IL1R1: variants seen among roughly 807,000 people sequenced by gnomAD.
IL1R1 encodes the protein interleukin-1 receptor type 1.
In IL1R1, 22 loss-of-function variants were observed where a neutral mutation model predicts 50.2. The observed-to-expected ratio is 0.44, with a 90% CI of 0.31 to 0.63. The LOEUF is 0.63. Ranked by LOEUF, IL1R1 falls within the 20% of genes least tolerant of loss-of-function variation. The pLI is 0.07. For synonymous variants in IL1R1, 251 were observed against 236.7 expected, an observed-to-expected ratio of 1.06 and a Z score of -0.55; for missense variants, 509 against 676.2, an observed-to-expected ratio of 0.75 and a Z score of 2.74.
In IL1R1 at chr2:102,089,481, T is replaced by C. The variant is rs1325940218; in HGVS notation, c.-84+18948T>C. On this transcript the variant is annotated intron_variant, in intron 1 of 11. Transcript: ENST00000409929. ...CCATAACATATAATAATAATAAAGT[T>C]TGAAATAGTGTGGGAATTACCAAAA... is the stretch of plus-strand genomic sequence containing the variant. Among the ~76,000 whole-genome samples, 3 of 152,142 alleles carry C rather than the reference T, an allele frequency of 2.0e-5. No individual in the cohort carries two copies. In the East Asian group the frequency reaches 5.8e-4, roughly 29 times the overall value.
chr2:102,170,495 G>T (rs995938706), intron 7 of IL1R1, among the ~76,000 whole-genome samples: 5 of 152,006 alleles, frequency 3.3e-5, no homozygotes, highest in African/African-American at 1.2e-4. Context: ...CCAATCCCAA[G>T]AAAATTCCCG....
chr2:102,172,373 G>A (rs950297221), intron 8 of IL1R1: 1 of 985,180 alleles, frequency 1.0e-6, no homozygotes, highest in African/African-American at 1.7e-5. Flanking sequence ...TTTGTCATCT[G>A]CCCCAATCTC....
At chr2:102,132,711 G>A (rs1682105451) in intron 1 of IL1R1, among the ~76,000 whole-genome samples, 1 of 152,118 alleles carries the variant, frequency 6.6e-6, no homozygotes, top group African/African-American at 2.4e-5. Context: ...TAGCTGGATT[G>A]ACTGTGGATT....
In IL1R1 at chr2:102,164,891, A is replaced by T; in HGVS notation, c.179A>T (p.Asp60Val). Residue 60 changes from aspartate (D) to valine (V), a missense_variant, in exon 4 of 12, where the codon GAT becomes GTT. By Grantham distance (152) the Asp-to-Val change is radical (BLOSUM62 -3). Transcript: ENST00000410023. ...EHKGTITWYKDDSKTPVSTEQ... is the reference protein window; with the variant it reads ...EHKGTITWYKVDSKTPVSTEQ... ...AAAGGCACTATAACTTGGTATAAAG[A>T]TGACAGCAAGACACCTGTATCTACA... 3 of 1,614,130 alleles carry T rather than the reference A, an allele frequency of 1.9e-6. No individual in the cohort carries two copies. Among genetic ancestry groups the T allele is most frequent in the Non-Finnish European group, 2.5e-6 (3 of 1,179,976 alleles).
At chr2:102,104,343 G>A (rs1217318545), upstream of IL1R1, among the ~76,000 whole-genome samples, 2 of 152,218 alleles carry the variant, frequency 1.3e-5, no homozygotes, top group African/African-American at 2.4e-5. Context: ...GACCAGTCAA[G>A]ACTCTGATGA....
chr2:102,148,945 AAAAC>A (rs35503646), intron 1 of IL1R1, among the ~76,000 whole-genome samples: 13,198 of 150,618 alleles, frequency 0.088, 608 homozygotes, highest in African/African-American at 0.13. Flanking sequence ...ACTCTGTCTC[AAAAC>A]AAACAAACAA....
intron 8 of IL1R1, chr2:102,172,331 A>G: frequency 1.0e-6 from 1 of 985,262 alleles, no homozygotes; most frequent in South Asian, 4.7e-5. Flanking sequence ...CTGGCTTCCC[A>G]TGACCTCTCC....
At chr2:102,102,401 A>T (rs1680180715), upstream of IL1R1, among the ~76,000 whole-genome samples, 1 of 152,158 alleles carries the variant, frequency 6.6e-6, no homozygotes, top group South Asian at 2.1e-4. Flanking sequence ...CAGTTTTCTC[A>T]CCTGTAAAAT....
intron 1 of IL1R1, among the ~76,000 whole-genome samples, chr2:102,092,904 T>C (rs1679737564): frequency 6.6e-6 from 1 of 152,108 alleles, no homozygotes; most frequent in South Asian, 2.1e-4. Context: ...TGAATGAAAT[T>C]TCGCCAAGAT....
intron 1 of IL1R1, among the ~76,000 whole-genome samples, chr2:102,118,635 T>A (rs578031740): frequency 1.6e-4 from 25 of 152,282 alleles, no homozygotes; most frequent in Admixed American, 1.6e-3. Flanking sequence ...TGTGGGACAC[T>A]CGGCTGGTGT....
intron 1 of IL1R1, among the ~76,000 whole-genome samples, chr2:102,129,805 G>C (rs751783375): frequency 6.6e-6 from 1 of 151,990 alleles, no homozygotes; most frequent in South Asian, 2.1e-4. Context: ...TTGAACTTTC[G>C]GTCTAAAGAC....
At chr2:102,155,576 C>T (rs976036868) in intron 2 of IL1R1, among the ~76,000 whole-genome samples, 9 of 152,274 alleles carry the variant, frequency 5.9e-5, no homozygotes, top group African/African-American at 1.4e-4. Context: ...TGACCCTTAA[C>T]GCCCATCCCA....
At chr2:102,091,741 T>C (rs1323170022) in intron 1 of IL1R1, among the ~76,000 whole-genome samples, 1 of 152,196 alleles carries the variant, frequency 6.6e-6, no homozygotes, top group Non-Finnish European at 1.5e-5. Context: ...AACTGTATGT[T>C]TTTACCCATT....
chr2:102,120,590 G>T (rs1681351155), intron 1 of IL1R1, among the ~76,000 whole-genome samples: 1 of 152,184 alleles, frequency 6.6e-6, no homozygotes, highest in Non-Finnish European at 1.5e-5. Context: ...TCACACAGAG[G>T]CAGGCAACTC....
intron 6 of IL1R1, 113 bp from the exon 7 acceptor site, chr2:102,168,485 A>G (rs887684754): frequency 7.1e-6 from 6 of 847,470 alleles, no homozygotes; most frequent in Admixed American, 1.8e-5. Context: ...TGCTTTGAAC[A>G]CTTGATGGAA....
At chr2:102,081,066 C>A (rs73943967) in intron 1 of IL1R1, among the ~76,000 whole-genome samples, 2 of 151,966 alleles carry the variant, frequency 1.3e-5, no homozygotes, top group African/African-American at 2.4e-5. Flanking sequence ...GAAAGGGGAA[C>A]GAAGAGTGAT....
At chr2:102,117,170 G>T (rs541889195) in intron 1 of IL1R1, among the ~76,000 whole-genome samples, 1 of 152,260 alleles carries the variant, frequency 6.6e-6, no homozygotes, top group South Asian at 2.1e-4. Flanking sequence ...TGTACTTATG[G>T]TACGCCTGCA....
chr2:102,176,162 G>C, intron 11 of IL1R1, 191 bp from the exon 12 acceptor site: 1 of 565,624 alleles, frequency 1.8e-6, no homozygotes, highest in Admixed American at 3.2e-5. Flanking sequence ...GCTCCAGTGT[G>C]AGCAACAGAA....
chr2:102,170,360 A>T (rs1450538696), intron 7 of IL1R1, among the ~76,000 whole-genome samples: 1 of 152,240 alleles, frequency 6.6e-6, no homozygotes, highest in Non-Finnish European at 1.5e-5. Context: ...CAAGACAAAG[A>T]TGCCCATGTA....
Sources: gnomAD v4.1 joint callset for allele counts (sites outside exome capture counted in the v4.1 genomes callset) on GRCh38, gnomAD v4.1.1 for gene constraint, MANE v1.5 for transcripts, NCBI Gene and HGNC (gene_info 2026-07-23, HGNC 2026-07-21) for gene names.